The following AHI1 variants were observed in gnomAD, a reference collection of about 807,000 sequenced individuals.
AHI1 encodes Abelson helper integration site 1.
AHI1 carries 123 observed loss-of-function variants against 149.3 expected under a neutral mutation model. The ratio of observed to expected loss-of-function variants is 0.82; its 90% CI spans 0.71 to 0.96. AHI1 has a LOEUF of 0.96. Ranked by LOEUF, AHI1 falls within the 40% of genes least tolerant of loss-of-function variation. The pLI is 0.00. For missense variants in AHI1, 1,439 were observed against 1,422.7 expected, an observed-to-expected ratio of 1.01 and a Z score of -0.18; for synonymous variants, 475 against 459.8, an observed-to-expected ratio of 1.03 and a Z score of -0.42.
chr6:135,491,728 G>A (rs1795278085), intron 4 of AHI1, among the ~76,000 whole-genome samples: 2 of 152,178 alleles, frequency 1.3e-5, no homozygotes, highest in Non-Finnish European at 1.5e-5. Flanking sequence ...TAGAGCAAGT[G>A]TCGGCAAACT....
intron 23 of AHI1, among the ~76,000 whole-genome samples, chr6:135,390,588 C>T (rs930223150): frequency 1.3e-5 from 2 of 152,130 alleles, no homozygotes; most frequent in African/African-American, 4.8e-5. Context: ...AAACATGTAC[C>T]GTCGTCTAGG....
At chr6:135,437,960 A>G (rs1785656465) in intron 15 of AHI1, among the ~76,000 whole-genome samples, 1 of 152,180 alleles carries the variant, frequency 6.6e-6, no homozygotes, top group Admixed American at 6.5e-5. Context: ...TATAAGGTAC[A>G]TATTTGTTTC....
At position 135,497,242 on chromosome 6, in the gene AHI1, T is replaced by C. The variant is rs1796094604; in HGVS notation, c.-194A>G. 2 of 152,320 alleles carry C rather than the reference T, an allele frequency of 1.3e-5. No individual in the cohort carries two copies. The highest frequency in any genetic ancestry group is 6.5e-5 in the Admixed American group (1 of 15,300). The allele number at this position is 152,320 out of a possible 1,614,324, so 9.4% of individuals were successfully genotyped here. A position where few individuals can be genotyped will look rare whatever the true frequency, so the allele number is the denominator to read the frequency against. On this transcript the variant is annotated 5_prime_UTR_variant, in exon 2 of 29. Coordinates refer to ENST00000265602, the MANE Select transcript of AHI1 (RefSeq NM_001134831.2). Reference sequence around the variant, plus strand: ...GACAGGTTGAAGATTCAGCCCCAGGTTGACACTCTAAAAGGAAATAAACAC... The same window carrying C: ...GACAGGTTGAAGATTCAGCCCCAGGCTGACACTCTAAAAGGAAATAAACAC...
At chr6:135,334,273 G>C (rs1303922416) in intron 24 of AHI1, among the ~76,000 whole-genome samples, 1 of 152,162 alleles carries the variant, frequency 6.6e-6, no homozygotes, top group East Asian at 1.9e-4. Flanking sequence ...TTTGGGAGGT[G>C]ATTAGGTCAT....
chr6:135,370,213 T>G (rs903597405), intron 23 of AHI1, among the ~76,000 whole-genome samples: 2 of 149,676 alleles, frequency 1.3e-5, no homozygotes, highest in African/African-American at 5.0e-5. Flanking sequence ...TCTTTTCAAA[T>G]CAGGAGCTGA....
intron 24 of AHI1, among the ~76,000 whole-genome samples, chr6:135,325,318 C>T (rs1423825274): frequency 1.3e-5 from 2 of 152,190 alleles, no homozygotes; most frequent in African/African-American, 2.4e-5. Context: ...TGAGCCACTG[C>T]GTCCGGCCAC....
chr6:135,305,684 C>A (rs1432405933), intron 26 of AHI1, among the ~76,000 whole-genome samples: 1 of 152,178 alleles, frequency 6.6e-6, no homozygotes, highest in Non-Finnish European at 1.5e-5. Flanking sequence ...CTAGAAGGAG[C>A]TTTTGAAACA....
chr6:135,433,366 G>A (rs1784931700), intron 15 of AHI1, 110 bp from the exon 16 acceptor site: 2 of 699,238 alleles, frequency 2.9e-6, no homozygotes, highest in Non-Finnish European at 4.7e-6. Context: ...AAGTGACAAC[G>A]ACCAATGGTA....
chr6:135,333,914 A>G (rs1308983109), intron 24 of AHI1, among the ~76,000 whole-genome samples: 1 of 152,250 alleles, frequency 6.6e-6, no homozygotes, highest in Non-Finnish European at 1.5e-5. Context: ...GGTAAATTGA[A>G]AATATTAATT....
intron 22 of AHI1, among the ~76,000 whole-genome samples, chr6:135,402,005 T>G (rs1404781238): frequency 6.6e-6 from 1 of 151,990 alleles, no homozygotes; most frequent in East Asian, 1.9e-4. Flanking sequence ...AATCCCAATT[T>G]TAAAACCAGG....
chr6:135,448,729 T>C (rs909121343), intron 11 of AHI1, among the ~76,000 whole-genome samples: 3 of 152,200 alleles, frequency 2.0e-5, no homozygotes, highest in Admixed American at 6.5e-5. Flanking sequence ...TTTCAGACTG[T>C]CGGTACAGCA....
chr6:135,313,917 C>T (rs751818615), intron 26 of AHI1, among the ~76,000 whole-genome samples: 2 of 152,178 alleles, frequency 1.3e-5, no homozygotes, highest in Non-Finnish European at 2.9e-5. Context: ...TACCGTGTTG[C>T]AGAGTCAGGG....
chr6:135,494,293 C>G (rs914654579), intron 3 of AHI1, among the ~76,000 whole-genome samples: 2 of 152,122 alleles, frequency 1.3e-5, no homozygotes, highest in African/African-American at 4.8e-5. Context: ...AGAACAGTAC[C>G]GTAGACAGAA....
At chr6:135,373,553 T>C (rs1775387455) in intron 23 of AHI1, among the ~76,000 whole-genome samples, 1 of 152,240 alleles carries the variant, frequency 6.6e-6, no homozygotes, top group Non-Finnish European at 1.5e-5. Flanking sequence ...AATTTTATGT[T>C]TCTTGGGAGA....
chr6:135,386,249 T>TA (rs775359702), intron 23 of AHI1, among the ~76,000 whole-genome samples: 1,726 of 139,786 alleles, frequency 0.012, 23 homozygotes, highest in African/African-American at 0.03. Flanking sequence ...ACATTTTTGG[T>TA]AAAAAAAAAA....
chr6:135,461,614 G>A (rs576286587), intron 8 of AHI1, among the ~76,000 whole-genome samples: 3 of 152,074 alleles, frequency 2.0e-5, no homozygotes, highest in Non-Finnish European at 2.9e-5. Context: ...TACCAAATAC[G>A]TGACTGCAAT....
chr6:135,350,980 T>TA (rs1792003494), intron 24 of AHI1, among the ~76,000 whole-genome samples: 2 of 152,170 alleles, frequency 1.3e-5, no homozygotes, highest in Non-Finnish European at 2.9e-5. Flanking sequence ...TATCATGACT[T>TA]ACAGAACTGA....
intron 23 of AHI1, among the ~76,000 whole-genome samples, chr6:135,381,673 T>G (rs866775654): frequency 2.6e-5 from 4 of 152,198 alleles, no homozygotes; most frequent in Admixed American, 2.6e-4. Flanking sequence ...TAAAACTAAG[T>G]GCACTTTATA....
In AHI1 at chr6:135,474,240, A is replaced by AT. The variant is rs1792223307; in HGVS notation, c.136-6607dup. Among the ~76,000 whole-genome samples, 4 of 152,228 alleles carry AT rather than the reference A, an allele frequency of 2.6e-5. No individual in the cohort carries two copies. The South Asian group carries it at 8.3e-4, about 32-fold the overall frequency. On this transcript the variant is annotated intron_variant, in intron 5 of 28. Transcript: ENST00000265602. ...ACTTCTAGTAGCACTTTTTTTGTAGATTTTTTTGGGATATTAACATAGACG... is the reference window on the plus strand; with the variant it reads ...ACTTCTAGTAGCACTTTTTTTGTAGATTTTTTTTGGGATATTAACATAGACG...
Sources: allele counts gnomAD v4.1 joint callset (sites outside exome capture counted in the v4.1 genomes callset), GRCh38; gene constraint gnomAD v4.1.1; transcripts MANE v1.5; gene names NCBI Gene and HGNC (gene_info 2026-07-23, HGNC 2026-07-21).